Variants in IL1RL2 observed in about 807,000 individuals in gnomAD.
IL1RL2 encodes the protein interleukin 1 receptor like 2.
Under a neutral mutation model 66.8 loss-of-function variants are expected in IL1RL2, and 68 were observed. That is an observed-to-expected ratio of 1.02 (90% CI 0.84 to 1.25). The LOEUF (loss-of-function observed/expected upper bound fraction) is 1.25, where lower values mean the gene tolerates loss of function less well. IL1RL2 is among the 50% of genes most tolerant of loss of function. The pLI, the probability that IL1RL2 is intolerant of heterozygous loss-of-function variation, is 0.00. For synonymous variants in IL1RL2, 305 were observed against 264.6 expected (o/e 1.15, Z -1.48); for missense variants, 729 against 709.3 (o/e 1.03, Z -0.32).
At chr2:102,222,674 G>A (rs1052112757) in intron 8 of IL1RL2, among the ~76,000 whole-genome samples, 1 of 152,124 alleles carries the variant, frequency 6.6e-6, no homozygotes, top group African/African-American at 2.4e-5. Context: ...AGAAATGTGC[G>A]GTAGGTCAGT....
chr2:102,235,675 C>G (rs1190122797), intron 11 of IL1RL2: 1 of 985,224 alleles, frequency 1.0e-6, no homozygotes, highest in East Asian at 1.1e-4. Context: ...GTCGGGGGAC[C>G]ACAGGAGGGC....
intron 11 of IL1RL2, chr2:102,235,645 C>G: frequency 1.0e-6 from 1 of 985,346 alleles, no homozygotes; most frequent in Non-Finnish European, 1.2e-6. Context: ...CCCATAGAGT[C>G]TGAGATGGGA....
At chr2:102,189,750 T>C (rs1216353992) in intron 3 of IL1RL2, among the ~76,000 whole-genome samples, 1 of 152,218 alleles carries the variant, frequency 6.6e-6, no homozygotes, top group Non-Finnish European at 1.5e-5. Flanking sequence ...CCGAAGTAGC[T>C]GGGATTATAG....
chr2:102,209,742 G>T (rs1174954071), intron 5 of IL1RL2, among the ~76,000 whole-genome samples: 3 of 152,178 alleles, frequency 2.0e-5, no homozygotes, highest in African/African-American at 7.2e-5. Flanking sequence ...GAGATGATTT[G>T]AAGCCAGAGT....
At chr2:102,241,480 G>C (rs1373074981), downstream of IL1RL2, among the ~76,000 whole-genome samples, 1 of 152,200 alleles carries the variant, frequency 6.6e-6, no homozygotes, top group African/African-American at 2.4e-5. Flanking sequence ...ATAATACAAT[G>C]TTGGTATCCT....
At chr2:102,203,281 G>C (rs563812224) in intron 5 of IL1RL2, among the ~76,000 whole-genome samples, 1 of 151,260 alleles carries the variant, frequency 6.6e-6, no homozygotes, top group Non-Finnish European at 1.5e-5. Context: ...CTGTTTGCTA[G>C]TACTTTGTTG....
Position 102,187,896 on chromosome 2 carries a change from C to G in IL1RL2, c.29C>G (p.Ser10Cys). 6.2e-7 allele frequency: 1 copy of G among 1,612,562 alleles called. No individual in the cohort carries two copies. Among genetic ancestry groups the G allele is most frequent in the South Asian group, 1.1e-5 (1 of 91,080 alleles). Residue 10 changes from serine (S) to cysteine (C), a missense_variant, in exon 2 of 12, where the codon TCC becomes TGC. Coordinates refer to ENST00000264257, the MANE Select transcript of IL1RL2 (RefSeq NM_003854.4). MWSLLLCGL[S>C]IALPLSVTAD... ...TGGTCCTTGCTGCTCTGCGGGTTGTCCATCGCCCTTCCACTGTCTGTCACA... is the reference window on the plus strand; with the variant it reads ...TGGTCCTTGCTGCTCTGCGGGTTGTGCATCGCCCTTCCACTGTCTGTCACA...
chr2:102,188,939 C>A, intron 2 of IL1RL2, 137 bp from the exon 3 acceptor site: 1 of 635,534 alleles, frequency 1.6e-6, no homozygotes, highest in Non-Finnish European at 2.7e-6. Flanking sequence ...TTTTAGGAAA[C>A]TTCCAGACTC....
intron 10 of IL1RL2, among the ~76,000 whole-genome samples, chr2:102,233,505 C>T (rs1674529867): frequency 6.6e-6 from 1 of 152,160 alleles, no homozygotes; most frequent in South Asian, 2.1e-4. Flanking sequence ...TGGGTGTTTT[C>T]CATGGGTTTG....
rs556982872 is a variant in IL1RL2 at position 102,192,054 on chromosome 2, T to C, written c.423T>C (p.Asp141=). ...AGCAAATATTACATCTTGGAAAAGATGATAGTCTCACATGTCATCTGCACT... is the reference window on the plus strand; with the variant it reads ...AGCAAATATTACATCTTGGAAAAGACGATAGTCTCACATGTCATCTGCACT... The part of the protein sequence containing the change: ...EYKQILHLGK[D]DSLTCHLHFP... Residue 141 remains aspartate, a synonymous_variant, in exon 4 of 12, where the codon GAT becomes GAC. Transcript: ENST00000264257. The C allele has an allele frequency of 8.7e-6, 14 of 1,612,988 alleles. No homozygotes were observed. In the South Asian group the frequency reaches 1.3e-4, roughly 15 times the overall value.
At chr2:102,195,385 C>T (rs1476771921) in intron 4 of IL1RL2, among the ~76,000 whole-genome samples, 2 of 151,926 alleles carry the variant, frequency 1.3e-5, no homozygotes, top group Non-Finnish European at 2.9e-5. Flanking sequence ...TCTTTTTCCA[C>T]TGATTTTTAA....
chr2:102,202,089 C>G (rs993257258), intron 5 of IL1RL2, among the ~76,000 whole-genome samples: 1 of 152,038 alleles, frequency 6.6e-6, no homozygotes, highest in African/African-American at 2.4e-5. Context: ...AATATTCCTG[C>G]GGGCCTTCCA....
At chr2:102,238,881 C>T (rs1297864501) in intron 11 of IL1RL2, among the ~76,000 whole-genome samples, 1 of 152,178 alleles carries the variant, frequency 6.6e-6, no homozygotes, top group Non-Finnish European at 1.5e-5. Flanking sequence ...ATTCCACCCT[C>T]ATCTCCCAGG....
chr2:102,231,565 T>G (rs898991455), intron 9 of IL1RL2, among the ~76,000 whole-genome samples: 5 of 77,252 alleles, frequency 6.5e-5, no homozygotes, highest in African/African-American at 4.7e-4. Flanking sequence ...TCATTGTGAG[T>G]TTTTTTTTTC....
intron 4 of IL1RL2, among the ~76,000 whole-genome samples, chr2:102,200,202 C>G (rs1688139697): frequency 6.6e-6 from 1 of 150,826 alleles, no homozygotes; most frequent in Non-Finnish European, 1.5e-5. Context: ...CTTTATACAT[C>G]TAACTCTGAT....
chr2:102,193,240 T>A (rs1400984380), intron 4 of IL1RL2, among the ~76,000 whole-genome samples: 2 of 152,212 alleles, frequency 1.3e-5, no homozygotes, highest in East Asian at 3.8e-4. Flanking sequence ...TCCTTATACC[T>A]GTATTTTAAG....
chr2:102,239,233 ACTG>A lies in IL1RL2; in HGVS notation c.1721_1723del (p.Thr574_Gly575delinsSer). The A allele has an allele frequency of 3.1e-6, 5 of 1,613,996 alleles. No individual in the cohort carries two copies. Among genetic ancestry groups the A allele is most frequent in the Non-Finnish European group, 4.2e-6 (5 of 1,179,848 alleles). On this transcript the variant is annotated inframe_deletion, in exon 12 of 12. Transcript: ENST00000264257. ...AAGAAGAAAGAAGTGTACTCTCACG[ACTG>A]GCTAAGACTTGCTGGACTGACACCT...
At chr2:102,206,817 G>T (rs1688745074) in intron 5 of IL1RL2, among the ~76,000 whole-genome samples, 1 of 152,246 alleles carries the variant, frequency 6.6e-6, no homozygotes, top group Admixed American at 6.5e-5. Context: ...TCCCATCATG[G>T]CTGATTGCCA....
In IL1RL2 at chr2:102,189,106, A is replaced by G. The variant is rs747763131; in HGVS notation, c.89A>G (p.Glu30Gly). 3 of 1,613,844 alleles carry G rather than the reference A, an allele frequency of 1.9e-6. No homozygotes were observed. Among genetic ancestry groups the G allele is most frequent in the Admixed American group, 1.7e-5 (1 of 60,004 alleles). Residue 30 changes from glutamate to glycine, a missense_variant, in exon 3 of 12, where the codon GAG (glutamate) becomes GGG (glycine). Transcript: ENST00000264257. ...DGCKDIFMKNEILSASQPFAF... is the reference protein window; with the variant it reads ...DGCKDIFMKNGILSASQPFAF... ...TGCAAGGACATTTTTATGAAAAATG[A>G]GATACTTTCAGCAAGCCAGCCTTTT...
Sources: allele counts gnomAD v4.1 joint callset (sites outside exome capture counted in the v4.1 genomes callset), GRCh38; gene constraint gnomAD v4.1.1; transcripts MANE v1.5; gene names NCBI Gene and HGNC (gene_info 2026-07-23, HGNC 2026-07-21).